The following NXPH2 variants were observed in gnomAD, a reference collection of about 807,000 sequenced individuals.
The protein encoded by NXPH2 is neurexophilin-2.
Under a neutral mutation model 19.8 loss-of-function variants are expected in NXPH2, and 5 were observed. The observed-to-expected ratio is 0.25, with a 90% confidence interval of 0.13 to 0.53. NXPH2 has a LOEUF of 0.53. Ranked by LOEUF, NXPH2 falls within the 20% of genes least tolerant of loss-of-function variation. NXPH2 has a pLI of 0.96. For synonymous variants in NXPH2, 154 were observed against 127.4 expected (o/e 1.21, Z -1.41); for missense variants, 289 against 322.8 (o/e 0.90, Z 0.80).
intron 1 of NXPH2, among the ~76,000 whole-genome samples, chr2:138,696,224 G>T (rs1680827416): frequency 6.6e-6 from 1 of 152,088 alleles, no homozygotes; most frequent in Non-Finnish European, 1.5e-5. Flanking sequence ...AGTGTACCAT[G>T]TCTAGGAATT....
intron 1 of NXPH2, among the ~76,000 whole-genome samples, chr2:138,716,977 A>G (rs979611811): frequency 6.6e-6 from 1 of 152,212 alleles, no homozygotes. Flanking sequence ...ATAACTGCAC[A>G]TGTTTGAAAT....
In NXPH2 at chr2:138,776,402, C is replaced by A. The variant is rs556477522; in HGVS notation, c.51+3789G>T. Among the ~76,000 whole-genome samples, 7 of 152,156 alleles carry A rather than the reference C, an allele frequency of 4.6e-5. No individual in the cohort carries two copies. The South Asian group carries it at 1.4e-3, about 32-fold the overall frequency. ...AATAATTTCCCAAGCAGTCATTTTT[C>A]TGTATGGAAGGCATTCACAACTGGA... On this transcript the variant is annotated intron_variant, in intron 1 of 1. Transcript: ENST00000272641.
intron 1 of NXPH2, among the ~76,000 whole-genome samples, chr2:138,753,966 C>T (rs546250429): frequency 6.6e-6 from 1 of 152,090 alleles, no homozygotes; most frequent in Non-Finnish European, 1.5e-5. Context: ...ATCACCCCCT[C>T]CCTATCCTCT....
chr2:138,681,235 G>T (rs1390978005), intron 1 of NXPH2, among the ~76,000 whole-genome samples: 1 of 152,158 alleles, frequency 6.6e-6, no homozygotes, highest in African/African-American at 2.4e-5. Flanking sequence ...TTGTCTTTAT[G>T]TTTATAGGTG....
At chr2:138,745,493 C>CAG (rs1381565629) in intron 1 of NXPH2, among the ~76,000 whole-genome samples, 2 of 90,242 alleles carry the variant, frequency 2.2e-5, no homozygotes, top group African/African-American at 1.1e-4. Context: ...CTTTTTTTGG[C>CAG]GGGGGGGGGG....
intron 1 of NXPH2, among the ~76,000 whole-genome samples, chr2:138,743,542 G>A (rs888259205): frequency 6.6e-6 from 1 of 152,200 alleles, no homozygotes; most frequent in Non-Finnish European, 1.5e-5. Context: ...GAGATGAAGA[G>A]TGACTGCTAA....
At chr2:138,750,795 A>T (rs1681818210) in intron 1 of NXPH2, among the ~76,000 whole-genome samples, 1 of 152,186 alleles carries the variant, frequency 6.6e-6, no homozygotes, top group South Asian at 2.1e-4. Context: ...AAATCTAAAT[A>T]GTACAGGCTT....
intron 1 of NXPH2, among the ~76,000 whole-genome samples, chr2:138,719,064 AT>A (rs981759543): frequency 7.2e-5 from 11 of 152,206 alleles, no homozygotes; most frequent in African/African-American, 2.7e-4. Context: ...TGGGGAGAGA[AT>A]TAGAGATACA....
chr2:138,777,854 A>AAAT (rs56164035), intron 1 of NXPH2, among the ~76,000 whole-genome samples: 1 of 137,538 alleles, frequency 7.3e-6, no homozygotes, highest in African/African-American at 2.6e-5. Context: ...AAAAAAAAAA[A>AAAT]GCCTTATGTC....
At chr2:138,674,409 C>T (rs1353547690) in intron 1 of NXPH2, among the ~76,000 whole-genome samples, 1 of 152,116 alleles carries the variant, frequency 6.6e-6, no homozygotes, top group Admixed American at 6.5e-5. Context: ...CTGCCTTGGC[C>T]TCCCAAAATG....
At chr2:138,722,566 G>T (rs913193265) in intron 1 of NXPH2, among the ~76,000 whole-genome samples, 1 of 152,196 alleles carries the variant, frequency 6.6e-6, no homozygotes, top group Non-Finnish European at 1.5e-5. Context: ...CCCTAAGACT[G>T]CAGTGTTGAG....
At chr2:138,776,315 CA>C (rs1286725884) in intron 1 of NXPH2, among the ~76,000 whole-genome samples, 1 of 151,810 alleles carries the variant, frequency 6.6e-6, no homozygotes, top group African/African-American at 2.4e-5. Context: ...GAAAAAATTA[CA>C]AAAAAATACA....
chr2:138,757,958 T>C (rs1681942615), intron 1 of NXPH2, among the ~76,000 whole-genome samples: 1 of 152,222 alleles, frequency 6.6e-6, no homozygotes, highest in African/African-American at 2.4e-5. Flanking sequence ...ATGGGAATGC[T>C]GGCATGAAAA....
chr2:138,744,453 A>T (rs1218449236), intron 1 of NXPH2, among the ~76,000 whole-genome samples: 2 of 152,176 alleles, frequency 1.3e-5, no homozygotes, highest in African/African-American at 4.8e-5. Context: ...CCTTAAAAAA[A>T]AAAATAAACT....
At chr2:138,771,696 G>A (rs1374572154) in intron 1 of NXPH2, among the ~76,000 whole-genome samples, 2 of 152,140 alleles carry the variant, frequency 1.3e-5, no homozygotes, top group Non-Finnish European at 2.9e-5. Flanking sequence ...CTGCAGGGAA[G>A]ACCGAGATTA....
chr2:138,699,944 T>C (rs928987808), intron 1 of NXPH2, among the ~76,000 whole-genome samples: 2 of 152,224 alleles, frequency 1.3e-5, no homozygotes, highest in African/African-American at 4.8e-5. Flanking sequence ...ACGTTCAATG[T>C]AATAAGATAA....
At chr2:138,714,704 T>G (rs1459777968) in intron 1 of NXPH2, among the ~76,000 whole-genome samples, 6 of 152,226 alleles carry the variant, frequency 3.9e-5, no homozygotes, top group Non-Finnish European at 7.3e-5. Context: ...TTTCATTGAA[T>G]TACTTTGCTC....
intron 1 of NXPH2, among the ~76,000 whole-genome samples, chr2:138,738,224 T>C (rs1183503602): frequency 6.6e-6 from 1 of 152,158 alleles, no homozygotes; most frequent in African/African-American, 2.4e-5. Flanking sequence ...AGATTTGAGT[T>C]CTATATCTGA....
intron 1 of NXPH2, among the ~76,000 whole-genome samples, chr2:138,769,965 T>C (rs534870180): frequency 1.3e-5 from 2 of 152,244 alleles, no homozygotes; most frequent in African/African-American, 4.8e-5. Context: ...AAAATTAAGG[T>C]TATAGTATAT....
Sources: allele counts gnomAD v4.1 joint callset (sites outside exome capture counted in the v4.1 genomes callset), GRCh38; gene constraint gnomAD v4.1.1; transcripts MANE v1.5; gene names NCBI Gene and HGNC (gene_info 2026-07-23, HGNC 2026-07-21).